STXBP2: variants seen among roughly 807,000 people sequenced by gnomAD.
STXBP2 encodes syntaxin-binding protein 2.
A neutral mutation model predicts 72.2 loss-of-function variants in STXBP2; 47 were observed. The ratio of observed to expected loss-of-function variants is 0.65; its 90% confidence interval spans 0.51 to 0.83. The LOEUF (loss-of-function observed/expected upper bound fraction) is 0.83. STXBP2 is among the 40% of genes least tolerant of loss of function. STXBP2 has a pLI of 0.00. For synonymous variants in STXBP2, 367 were observed against 338.7 expected (o/e 1.08, Z -0.92); for missense variants, 702 against 807.6 (o/e 0.87, Z 1.58).
At chr19:7,638,973 C>T in intron 2 of STXBP2, 46 bp from the exon 3 acceptor site, 1 of 1,610,192 alleles carries the variant, frequency 6.2e-7, no homozygotes, top group South Asian at 1.1e-5. Flanking sequence ...CCAGCTGTGG[C>T]CTCTTCCGCC....
At chr19:7,636,884 G>A (rs2031555949), upstream of STXBP2, 2 of 384,198 alleles carry the variant, frequency 5.2e-6, no homozygotes, top group South Asian at 1.4e-4. Flanking sequence ...AAGCCAGGAA[G>A]TGTGTGTCTG....
the STXBP2 span, chr19:7,631,643 T>C: frequency 1.4e-6 from 2 of 1,453,642 alleles, no homozygotes; most frequent in Non-Finnish European, 9.1e-7. Context: ...TTTTATTCTT[T>C]TATCAGTTTT....
At chr19:7,633,616 A>G, upstream of STXBP2, 1 of 683,434 alleles carries the variant, frequency 1.5e-6, no homozygotes, top group Middle Eastern at 3.6e-4. Context: ...CCCCATAAAG[A>G]TCATCCAGAT....
the STXBP2 span, chr19:7,631,441 C>A: frequency 5.9e-5 from 90 of 1,522,200 alleles, no homozygotes; most frequent in South Asian, 1.2e-4. Context: ...GCCCCTCCCC[C>A]CTTCCTGTCC....
intron 3 of STXBP2, 109 bp from the exon 4 acceptor site, chr19:7,639,622 C>T (rs2031705339): frequency 9.9e-7 from 1 of 1,015,204 alleles, no homozygotes; most frequent in African/African-American, 1.6e-5. Context: ...GCAGTCCCTC[C>T]TAAGCATCCA....
intron 4 of STXBP2, chr19:7,640,065 T>C (rs1474799279): frequency 1.6e-6 from 1 of 640,644 alleles, no homozygotes. Context: ...TGTATGTGTG[T>C]ATGCGTGTGT....
upstream of STXBP2, chr19:7,633,551 C>A (rs2031425509): frequency 2.2e-5 from 27 of 1,204,130 alleles, no homozygotes; most frequent in Non-Finnish European, 3.1e-5. Flanking sequence ...GGTGTGGATT[C>A]CCCCCATCCC....
intron 13 of STXBP2, among the ~76,000 whole-genome samples, chr19:7,644,024 T>G (rs1314713973): frequency 7.0e-6 from 1 of 142,784 alleles, no homozygotes; most frequent in Non-Finnish European, 1.5e-5. Flanking sequence ...CTCGGAGAGG[T>G]GGGACCTGGG....
At position 7,647,237 on chromosome 19, in the gene STXBP2, G is replaced by C. The variant is rs752258841; in HGVS notation, c.1528G>C (p.Ala510Pro). 2 of 1,611,304 alleles carry C rather than the reference G, an allele frequency of 1.2e-6. No individual in the cohort carries two copies. The highest frequency in any genetic ancestry group is 2.2e-5 in the South Asian group (2 of 91,038). Residue 510 changes from alanine (A) to proline (P), a missense_variant, in exon 17 of 19, where the codon GCC (alanine) becomes CCC (proline). Coordinates refer to ENST00000221283, the MANE Select transcript of STXBP2 (RefSeq NM_006949.4). Reference protein sequence around the residue: ...SDPAPTASSQAAVSARFGHWH... With the variant: ...SDPAPTASSQPAVSARFGHWH... ...CCCCGCCCCCACGGCCAGCTCCCAG[G>C]CCGCTGTCAGGTGAGGCCCCGGGGC...
At chr19:7,639,916 A>G (rs748739386) in intron 4 of STXBP2, 109 bp downstream of exon 4, 6 of 1,199,100 alleles carry the variant, frequency 5.0e-6, no homozygotes, top group Non-Finnish European at 7.2e-6. Flanking sequence ...ATACGTGTGC[A>G]TGTGTCCATG....
At chr19:7,647,319 C>T (rs749458542) in intron 17 of STXBP2, 35 bp from the exon 18 acceptor site, 3 of 1,612,320 alleles carry the variant, frequency 1.9e-6, no homozygotes, top group South Asian at 2.2e-5. Flanking sequence ...CGGTGAGGGC[C>T]TCCTGCCTGG....
intron 13 of STXBP2, among the ~76,000 whole-genome samples, chr19:7,644,108 G>T: frequency 5.8e-5 from 8 of 137,532 alleles, no homozygotes; most frequent in African/African-American, 8.2e-5. Flanking sequence ...CTGGGTGAGG[G>T]GTGGAGCCTT....
At chr19:7,631,038 A>G in the STXBP2 span, 1 of 786,644 alleles carries the variant, frequency 1.3e-6, no homozygotes, top group Non-Finnish European at 2.0e-6. Flanking sequence ...GCGAAACCCC[A>G]TGTCTACAGA....
upstream of STXBP2, chr19:7,632,268 T>A (rs2146195698): frequency 1.4e-6 from 2 of 1,435,922 alleles, no homozygotes; most frequent in East Asian, 2.3e-5. The surrounding 1 kb of genome is among the most constrained non-coding windows in gnomAD (Gnocchi z 5.2). Flanking sequence ...TCCTCCCATC[T>A]GAAGTCAGGG....
upstream of STXBP2, chr19:7,632,772 C>G: frequency 1.3e-6 from 2 of 1,568,094 alleles, no homozygotes; most frequent in Non-Finnish European, 1.7e-6. The surrounding 1 kb of genome is among the most constrained non-coding windows in gnomAD (Gnocchi z 5.2). Context: ...TCCCTCCATC[C>G]GGTCGCCCTG....
At position 7,639,812 on chromosome 19, in the gene STXBP2, C is replaced by T. The variant is rs369629603; in HGVS notation, c.246+5C>T. On this transcript the variant is annotated splice_donor_5th_base_variant and intron_variant, in intron 4 of 18. Transcript: ENST00000221283. ...TTGCTGAGCCCCACGGAGAAGGTGC[C>T]TACATGAGTGAGCGTGTGTGTATGC... The T allele has an allele frequency of 1.2e-6, 2 of 1,613,838 alleles. No individual in the cohort carries two copies. Among genetic ancestry groups the T allele is most frequent in the Non-Finnish European group, 8.5e-7 (1 of 1,179,934 alleles).
intron 4 of STXBP2, chr19:7,640,132 A>C (rs1384226378): frequency 3.8e-6 from 2 of 531,884 alleles, no homozygotes; most frequent in Non-Finnish European, 7.1e-6. Context: ...GTGTGTATGT[A>C]TGTGTGTGTG....
intron 4 of STXBP2, chr19:7,640,048 ATT>A: frequency 8.0e-6 from 5 of 621,550 alleles, no homozygotes; most frequent in South Asian, 4.6e-5. Flanking sequence ...CTGTGTGTGC[ATT>A]TGTGTGTATG....
chr19:7,647,170 G>A lies in STXBP2; in HGVS notation c.1461G>A (p.Val487=). ...TGCCTCTCGGCCGCCAGGACGCCGTGGAGGACCGGCTGGACAGGAACCTGT... is the reference window on the plus strand; with the variant it reads ...TGCCTCTCGGCCGCCAGGACGCCGTAGAGGACCGGCTGGACAGGAACCTGT... ...PVIKDVMEDA[V]EDRLDRNLWP... The change falls in exon 17 of 19, where the codon GTG becomes GTA. Residue 487 remains valine (V), a synonymous_variant. Transcript: ENST00000221283. The A allele has an allele frequency of 2.5e-6, 4 of 1,611,946 alleles. No individual in the cohort carries two copies. The highest frequency in any genetic ancestry group is 3.4e-6 in the Non-Finnish European group (4 of 1,179,920).
Sources: gnomAD v4.1 joint callset for allele counts (sites outside exome capture counted in the v4.1 genomes callset) on GRCh38, gnomAD v4.1.1 for gene constraint, Gnocchi (gnomAD v3.1) non-coding constraint, MANE v1.5 for transcripts, NCBI Gene and HGNC (gene_info 2026-07-23, HGNC 2026-07-21) for gene names.